GLG1: variants seen among roughly 807,000 people sequenced by gnomAD.
GLG1 encodes Golgi apparatus protein 1.
In GLG1, 38 loss-of-function variants were observed where a neutral mutation model predicts 160.5. The ratio of observed to expected loss-of-function variants is 0.24; its 90% CI spans 0.18 to 0.31. The LOEUF (loss-of-function observed/expected upper bound fraction) is 0.31, where lower values mean the gene tolerates loss of function less well. Ranked by LOEUF, GLG1 falls within the 10% of genes least tolerant of loss-of-function variation. GLG1 has a pLI of 1.00. For missense variants in GLG1, 1,373 were observed against 1,505.2 expected, an observed-to-expected ratio of 0.91 and a Z score of 1.45; for synonymous variants, 644 against 543.4, an observed-to-expected ratio of 1.19 and a Z score of -2.57.
intron 6 of GLG1, among the ~76,000 whole-genome samples, chr16:74,493,815 T>C (rs549890585): frequency 1.1e-3 from 171 of 152,272 alleles, no homozygotes; most frequent in African/African-American, 3.7e-3. Flanking sequence ...CCTAAACTTC[T>C]TGAGGAGGCA....
In GLG1 at chr16:74,485,886, C is replaced by A. The variant is rs781585464; in HGVS notation, c.1481G>T (p.Gly494Val). Residue 494 changes from glycine (G) to valine (V), a missense_variant, in exon 9 of 26, where the codon GGT (glycine) becomes GTT (valine). Around this residue, in one of 4 missense-constraint regions of GLG1, gnomAD observed 386 missense variants for 388.5 expected, o/e 0.99. Transcript: ENST00000422840. ...AGCTCGATCAATGCGGTAATCTGCA[C>A]CAGGGTCAGTCTCCTGAATCAGTGT... ...LQTLIQETDP[G>V]ADYRIDRALN... is the part of the protein sequence containing the mutation. 1.9e-6 allele frequency: 3 copies of A among 1,611,874 alleles called. No individual in the cohort carries two copies. The highest frequency in any genetic ancestry group is 1.7e-6 in the Non-Finnish European group (2 of 1,178,128).
intron 2 of GLG1, among the ~76,000 whole-genome samples, chr16:74,523,894 G>A (rs945500862): frequency 1.3e-4 from 19 of 151,998 alleles, no homozygotes; most frequent in African/African-American, 4.6e-4. Context: ...GACAATTTAT[G>A]ATTCTGCTGA....
intron 1 of GLG1, among the ~76,000 whole-genome samples, chr16:74,559,645 C>A (rs1396439366): frequency 6.6e-6 from 1 of 151,962 alleles, no homozygotes. Flanking sequence ...CCTTCTAATT[C>A]TAGACATTCT....
chr16:74,474,339 G>A (rs1425922834), intron 13 of GLG1: 3 of 555,438 alleles, frequency 5.4e-6, no homozygotes, highest in Non-Finnish European at 9.6e-6. Context: ...GGGCTGTATA[G>A]AGTGTTGTTC....
intron 22 of GLG1, 56 bp from the exon 23 acceptor site, chr16:74,459,845 C>T: frequency 2.3e-6 from 2 of 851,246 alleles, no homozygotes; most frequent in Non-Finnish European, 1.9e-6. Context: ...AATGAACTGA[C>T]AGTTTCTTCT....
chr16:74,464,951 G>A (rs1029712908), intron 19 of GLG1, among the ~76,000 whole-genome samples: 2 of 152,100 alleles, frequency 1.3e-5, no homozygotes, highest in African/African-American at 4.8e-5. Context: ...CGATTCTCTT[G>A]CCTCAGCCTC....
Position 74,449,857 on chromosome 16 carries a change from C to G in GLG1, c.*3310G>C, listed in dbSNP as rs192311903. On this transcript the variant is annotated 3_prime_UTR_variant, in exon 26 of 26. Transcript: ENST00000422840. ...CCTGCCGGTGCTTCTTGCTAACGGGCTTGTCTAGGGACAACAGCAACAGCA... is the reference window on the plus strand; with the variant it reads ...CCTGCCGGTGCTTCTTGCTAACGGGGTTGTCTAGGGACAACAGCAACAGCA... The G allele has an allele frequency of 6.6e-6, 1 of 152,412 alleles. No homozygotes were observed. Among genetic ancestry groups the G allele is most frequent in the African/African-American group, 2.4e-5 (1 of 41,594 alleles). 9.4% of individuals were successfully genotyped at this position (152,412 alleles called of 1,614,324 possible). A position where few individuals can be genotyped will look rare whatever the true frequency, so the allele number is the denominator to read the frequency against.
In GLG1 at chr16:74,466,997, A is replaced by C. The variant is rs2015023939; in HGVS notation, c.2529+759T>G. ...GTCCCAGAACTGAAGGAACACATAG[A>C]TTGTGAGATTGAAAGAGCCAACCGG... On this transcript the variant is annotated intron_variant, in intron 18 of 25. Coordinates refer to ENST00000422840, the MANE Select transcript of GLG1 (RefSeq NM_001145667.2). Among the ~76,000 whole-genome samples the C allele has an allele frequency of 2.0e-5, 3 of 152,208 alleles. No individual in the cohort carries two copies. In the South Asian group the frequency reaches 6.2e-4, roughly 31 times the overall value.
At chr16:74,502,722 G>GTTTTTTTTTT (rs745410150) in intron 4 of GLG1, among the ~76,000 whole-genome samples, 40 of 109,574 alleles carry the variant, frequency 3.7e-4, no homozygotes, top group African/African-American at 1.3e-3. Flanking sequence ...TTTGTTTTTG[G>GTTTTTTTTTT]TTTTTTTTTT....
At chr16:74,601,108 C>A (rs1182508856) in intron 1 of GLG1, among the ~76,000 whole-genome samples, 4 of 152,088 alleles carry the variant, frequency 2.6e-5, no homozygotes, top group Non-Finnish European at 5.9e-5. Flanking sequence ...TATCCTAAAG[C>A]CAAACAATGT....
At chr16:74,589,862 G>A (rs1052500155) in intron 1 of GLG1, among the ~76,000 whole-genome samples, 7 of 151,958 alleles carry the variant, frequency 4.6e-5, no homozygotes, top group Non-Finnish European at 8.8e-5. Flanking sequence ...GCTTGAACAC[G>A]GGAAGCAGAG....
chr16:74,486,929 C>CCG (rs1555509119), intron 8 of GLG1, among the ~76,000 whole-genome samples: 7 of 150,710 alleles, frequency 4.6e-5, no homozygotes, highest in Non-Finnish European at 1.0e-4. Flanking sequence ...TTTTTTCCCC[C>CCG]CCGAGACAGA....
intron 2 of GLG1, among the ~76,000 whole-genome samples, chr16:74,531,205 C>T (rs947516732): frequency 1.3e-5 from 2 of 152,088 alleles, no homozygotes; most frequent in Admixed American, 6.5e-5. Flanking sequence ...CCTAAATAGC[C>T]AATCTGTCTC....
intron 4 of GLG1, among the ~76,000 whole-genome samples, chr16:74,497,262 C>T (rs1164751808): frequency 6.9e-6 from 1 of 144,968 alleles, no homozygotes; most frequent in Non-Finnish European, 1.5e-5. Context: ...GCACTCCAGC[C>T]TGGGCGACAA....
intron 13 of GLG1, among the ~76,000 whole-genome samples, chr16:74,473,903 G>T (rs974740649): frequency 6.6e-6 from 1 of 152,118 alleles, no homozygotes; most frequent in Admixed American, 6.5e-5. Context: ...GAGAGAACGG[G>T]AATGTGTAGA....
In GLG1 at chr16:74,448,411, CCAAATGG is replaced by C. The variant is rs2143074786; in HGVS notation, c.*4749_*4755del. On this transcript the variant is annotated 3_prime_UTR_variant, in exon 26 of 26. Coordinates refer to ENST00000422840, the MANE Select transcript of GLG1 (RefSeq NM_001145667.2). ...TTTTACAAAACCACTTAGGTGCTGC[CCAAATGG>C]TGAGAAATAAAAGGAAGCATTCTGG... 6.6e-6 allele frequency: 1 copy of C among 152,244 alleles called. No homozygotes were observed. The highest frequency in any genetic ancestry group is 2.4e-5 in the African/African-American group (1 of 41,538). 9.4% of individuals were successfully genotyped at this position (152,244 alleles called of 1,614,324 possible).
intron 7 of GLG1, among the ~76,000 whole-genome samples, chr16:74,492,630 C>T (rs1339288255): frequency 6.6e-6 from 1 of 151,700 alleles, no homozygotes; most frequent in Non-Finnish European, 1.5e-5. Flanking sequence ...ACCAGCCTGA[C>T]CAACATGGTG....
At chr16:74,518,798 T>C (rs1300988534) in intron 2 of GLG1, among the ~76,000 whole-genome samples, 1 of 152,140 alleles carries the variant, frequency 6.6e-6, no homozygotes, top group Admixed American at 6.6e-5. Flanking sequence ...AATCTATCCA[T>C]GTGACAAAGG....
At chr16:74,505,652 C>T (rs557830024) in intron 3 of GLG1, among the ~76,000 whole-genome samples, 3 of 151,918 alleles carry the variant, frequency 2.0e-5, no homozygotes, top group East Asian at 1.9e-4. Flanking sequence ...CTCAGGAGTT[C>T]GAGACCAGCC....
Sources: gnomAD v4.1 joint callset for allele counts (sites outside exome capture counted in the v4.1 genomes callset) on GRCh38, gnomAD v4.1.1 for gene constraint, gnomAD v4.1.1 regional missense constraint, MANE v1.5 for transcripts, NCBI Gene and HGNC (gene_info 2026-07-23, HGNC 2026-07-21) for gene names.